Variants in LYST observed in about 807,000 individuals in gnomAD.
The protein encoded by LYST is lysosomal trafficking regulator.
Under a neutral mutation model 413.6 loss-of-function variants are expected in LYST, and 192 were observed. The observed-to-expected ratio is 0.46, with a 90% CI of 0.41 to 0.52. The LOEUF (loss-of-function observed/expected upper bound fraction) is 0.52. Ranked by LOEUF, LYST falls within the 20% of genes least tolerant of loss-of-function variation. The pLI, the probability that LYST is intolerant of heterozygous loss-of-function variation, is 0.00. For synonymous variants in LYST, 1,525 were observed against 1,567.3 expected (o/e 0.97, Z 0.64); for missense variants, 3,815 against 4,499.9 (o/e 0.85, Z 4.35).
At chr1:235,803,539 G>C (rs13375838) in intron 7 of LYST, among the ~76,000 whole-genome samples, 3,311 of 152,114 alleles carry the variant, frequency 0.022, 118 homozygotes, top group African/African-American at 0.075. Context: ...ATCTCAGAAT[G>C]CAACTGTCTA....
At chr1:235,663,858 A>T in intron 52 of LYST, 126 bp downstream of exon 52, 3 of 806,472 alleles carry the variant, frequency 3.7e-6, no homozygotes, top group South Asian at 1.4e-5. Flanking sequence ...GCTGTGTGTT[A>T]AGTGGTTGGC....
intron 40 of LYST, among the ~76,000 whole-genome samples, chr1:235,717,327 T>G (rs974025695): frequency 6.6e-6 from 1 of 152,206 alleles, no homozygotes; most frequent in African/African-American, 2.4e-5. Context: ...ACCTAGTTAG[T>G]AGATGGGGAG....
At chr1:235,671,793 T>C (rs1336949952) in intron 50 of LYST, among the ~76,000 whole-genome samples, 2 of 152,172 alleles carry the variant, frequency 1.3e-5, no homozygotes, top group African/African-American at 2.4e-5. Flanking sequence ...GATATGTAAA[T>C]GGGAAGCAAT....
At chr1:235,752,650 G>T (rs934523692) in intron 26 of LYST, among the ~76,000 whole-genome samples, 2 of 151,968 alleles carry the variant, frequency 1.3e-5, no homozygotes, top group African/African-American at 4.8e-5. Flanking sequence ...ACTAAAAGAG[G>T]TAATAGATTT....
Position 235,662,827 on chromosome 1 carries a change from T to C in LYST, c.*113A>G. 2 of 778,154 alleles carry C rather than the reference T, an allele frequency of 2.6e-6. No individual in the cohort carries two copies. The highest frequency in any genetic ancestry group is 4.7e-6 in the Non-Finnish European group (2 of 422,314). The allele number at this position is 778,154 out of a possible 1,614,324, so 48.2% of individuals were successfully genotyped here. On this transcript the variant is annotated 3_prime_UTR_variant, in exon 53 of 53. Transcript: ENST00000389793. ...CAGATGAATAGACTTTATCATTATTTGGATGGTTTGTCCAGTCATCCATTT... is the reference window on the plus strand; with the variant it reads ...CAGATGAATAGACTTTATCATTATTCGGATGGTTTGTCCAGTCATCCATTT...
chr1:235,764,755 G>A (rs964761474), intron 21 of LYST, among the ~76,000 whole-genome samples: 5 of 151,566 alleles, frequency 3.3e-5, no homozygotes, highest in African/African-American at 1.2e-4. Context: ...TGCCTGCCCC[G>A]GCTTCCCAAA....
At position 235,720,732 on chromosome 1, in the gene LYST, A is replaced by C; in HGVS notation, c.9489T>G (p.Tyr3163Ter). ...AGRSFNDLMQ[Y>*]PVFPFILADY... ...CAGCAAGTATAAATGGGAACACAGG[A>C]TACTGCATGAGATCATTGAAGGATC... The change falls in exon 40 of 53, where the codon TAT becomes TAG. Residue 3163 changes from tyrosine (Y) to a stop codon, truncating the protein, a stop_gained. Coordinates refer to ENST00000389793, the MANE Select transcript of LYST (RefSeq NM_000081.4). LOFTEE classifies it high-confidence loss of function. 1 of 1,613,994 alleles carries C rather than the reference A, an allele frequency of 6.2e-7. No homozygotes were observed. Among genetic ancestry groups the C allele is most frequent in the Non-Finnish European group, 8.5e-7 (1 of 1,179,860 alleles).
Position 235,715,352 on chromosome 1 carries a change from C to G in LYST, c.9633G>C (p.Leu3211Phe). The G allele has an allele frequency of 6.2e-7, 1 of 1,613,810 alleles. No homozygotes were observed. Among genetic ancestry groups the G allele is most frequent in the Non-Finnish European group, 8.5e-7 (1 of 1,179,828 alleles). The change falls in exon 42 of 53, where the codon TTG becomes TTC. Residue 3211 changes from leucine (L) to phenylalanine (F), a missense_variant. This residue lies in a region of LYST where 866 missense variants were observed against 1,156.0 expected (regional missense o/e 0.75). Coordinates refer to ENST00000389793, the MANE Select transcript of LYST (RefSeq NM_000081.4). ...TGGCTCCTTTGCGGTACTCTTCCTC[C>G]AAGTACTGAAAGAAACGGTGAATCC... Reference protein sequence around the residue: ...EDRYVDTYKYLEEEYRKGARE... With the variant: ...EDRYVDTYKYFEEEYRKGARE...
At chr1:235,754,639 A>G (rs1395321587) in intron 25 of LYST, among the ~76,000 whole-genome samples, 2 of 152,234 alleles carry the variant, frequency 1.3e-5, no homozygotes, top group Non-Finnish European at 2.9e-5. Context: ...TGAATGAACT[A>G]TAAAGGATGA....
At chr1:235,719,894 C>T (rs1262395582) in intron 40 of LYST, among the ~76,000 whole-genome samples, 1 of 151,874 alleles carries the variant, frequency 6.6e-6, no homozygotes, top group Non-Finnish European at 1.5e-5. Flanking sequence ...AAAATAATGG[C>T]TGGCTGGGTG....
chr1:235,820,619 C>T (rs931152760), intron 3 of LYST, among the ~76,000 whole-genome samples: 52 of 152,210 alleles, frequency 3.4e-4, no homozygotes, highest in Admixed American at 3.4e-3. Flanking sequence ...AATCTGTCTG[C>T]CTTGGCCTCT....
chr1:235,828,929 G>A (rs1343439338), intron 3 of LYST: 1 of 888,052 alleles, frequency 1.1e-6, no homozygotes, highest in African/African-American at 1.8e-5. Flanking sequence ...ACTTGGCTGG[G>A]TGCAGTGGCT....
At chr1:235,770,404 A>C in intron 19 of LYST, 107 bp from the exon 20 acceptor site, 1 of 1,001,148 alleles carries the variant, frequency 1.0e-6, no homozygotes, top group East Asian at 2.4e-5. Flanking sequence ...GTATATATTC[A>C]GTATCAAAGA....
chr1:235,782,741 C>G (rs1182053086), intron 14 of LYST, among the ~76,000 whole-genome samples: 1 of 152,088 alleles, frequency 6.6e-6, no homozygotes, highest in African/African-American at 2.4e-5. Context: ...AAGAAGTCTC[C>G]CATCTTGACA....
At chr1:235,820,483 C>T (rs1343299074) in intron 3 of LYST, among the ~76,000 whole-genome samples, 8 of 152,060 alleles carry the variant, frequency 5.3e-5, no homozygotes, top group Non-Finnish European at 1.0e-4. Flanking sequence ...GATCCTCCCG[C>T]CCCAGCCTCC....
In LYST at chr1:235,759,496, T is replaced by C; in HGVS notation, c.6357A>G (p.Gln2119=). 6.2e-7 allele frequency: 1 copy of C among 1,614,140 alleles called. No homozygotes were observed. The highest frequency in any genetic ancestry group is 1.1e-5 in the South Asian group (1 of 91,076). Residue 2119 remains glutamine, a synonymous_variant, in exon 23 of 53, where the codon CAA becomes CAG. Coordinates refer to ENST00000389793, the MANE Select transcript of LYST (RefSeq NM_000081.4). ...TACAACCCAAACTTCCAGTCAGTTT[T>C]TGTGATTGCGTTAGTAGTGAAGAAG... is the stretch of plus-strand genomic sequence containing the variant. ...FPTSSLLTQS[Q]KLTGSLGCSI... is the part of the protein sequence containing the mutation.
intron 14 of LYST, among the ~76,000 whole-genome samples, chr1:235,784,225 C>A (rs754055657): frequency 6.6e-6 from 1 of 152,114 alleles, no homozygotes; most frequent in Admixed American, 6.5e-5. Context: ...TACTAGAGAA[C>A]CAAGTTTAAG....
rs915296935 is a variant in LYST, at chr1:235,670,401, T to G, written c.11039-5780A>C. Among the ~76,000 whole-genome samples, 5 of 152,356 alleles carry G rather than the reference T, an allele frequency of 3.3e-5. No homozygotes were observed. The East Asian group carries it at 7.7e-4, about 23-fold the overall frequency. ...GTGCCTTGCTGAGAAATGTTCTGTC[T>G]AAGTGCTGGCTTTTCTTTGAGGCAC... is the stretch of plus-strand genomic sequence containing the variant. On this transcript the variant is annotated intron_variant, in intron 50 of 52. Transcript: ENST00000389793.
At chr1:235,734,743 C>T in intron 31 of LYST, 84 bp from the exon 32 acceptor site, 2 of 887,370 alleles carry the variant, frequency 2.3e-6, no homozygotes, top group Non-Finnish European at 3.5e-6. Flanking sequence ...AATTATATTG[C>T]TAGATTTATT....
Sources: gnomAD v4.1 joint callset for allele counts (sites outside exome capture counted in the v4.1 genomes callset) on GRCh38, gnomAD v4.1.1 for gene constraint, gnomAD v4.1.1 regional missense constraint, MANE v1.5 for transcripts, NCBI Gene and HGNC (gene_info 2026-07-23, HGNC 2026-07-21) for gene names.